TMEM123: variants seen among roughly 807,000 people sequenced by gnomAD.
The protein encoded by TMEM123 is transmembrane protein 123, also known as porimin.
TMEM123 carries 16 observed loss-of-function variants against 19.7 expected under a neutral mutation model. That is an observed-to-expected ratio of 0.81 (90% CI 0.55 to 1.23). The LOEUF is 1.23. TMEM123 is among the 50% of genes most tolerant of loss of function. TMEM123 has a pLI of 0.00. For synonymous variants in TMEM123, 118 were observed against 99.4 expected (o/e 1.19, Z -1.12); for missense variants, 313 against 257.8 (o/e 1.21, Z -1.47).
chr11:102,401,098 G>A (rs974501201), intron 4 of TMEM123, among the ~76,000 whole-genome samples: 1 of 152,034 alleles, frequency 6.6e-6, no homozygotes, highest in Non-Finnish European at 1.5e-5. Context: ...AAATTTTCAG[G>A]GATAATGAGG....
intron 2 of TMEM123, among the ~76,000 whole-genome samples, chr11:102,447,170 C>A (rs1406943673): frequency 2.0e-5 from 3 of 152,168 alleles, no homozygotes; most frequent in African/African-American, 7.2e-5. Context: ...TCTTCTTTCT[C>A]AAAAAATTTC....
chr11:102,415,681 A>G (rs1051354835), intron 2 of TMEM123, among the ~76,000 whole-genome samples: 2 of 152,206 alleles, frequency 1.3e-5, no homozygotes, highest in African/African-American at 4.8e-5. Context: ...AAGCAGTGTT[A>G]AGAGGAAAGT....
Position 102,445,360 on chromosome 11 carries a change from TATCTATCAACATTTGC to T in TMEM123, c.157+3436_157+3451del, listed in dbSNP as rs1198235882. Among the ~76,000 whole-genome samples, 6 of 152,240 alleles carry T rather than the reference TATCTATCAACATTTGC, an allele frequency of 3.9e-5. No homozygotes were observed. In the East Asian group the frequency reaches 1.2e-3, roughly 29 times the overall value. On this transcript the variant is annotated intron_variant, in intron 2 of 4. Transcript: ENST00000398136. Reference sequence around the variant, plus strand: ...CTCTCTGTGTATCTATCACTGTTTGTATCTATCAACATTTGCATCTATCAGTGAATCAATCAATCAG... The same window carrying T: ...CTCTCTGTGTATCTATCACTGTTTGTATCTATCAGTGAATCAATCAATCAG...
At chr11:102,431,203 A>G (rs1224019734) in intron 2 of TMEM123, among the ~76,000 whole-genome samples, 2 of 152,216 alleles carry the variant, frequency 1.3e-5, no homozygotes, top group East Asian at 1.9e-4. Context: ...GTACAACATG[A>G]TATTTTGATA....
chr11:102,415,535 A>G (rs1470414554), intron 2 of TMEM123, among the ~76,000 whole-genome samples: 1 of 152,202 alleles, frequency 6.6e-6, no homozygotes, highest in African/African-American at 2.4e-5. Context: ...TACCAGGAAG[A>G]TCTCTTAAAG....
chr11:102,442,572 A>C (rs867719480), intron 2 of TMEM123, among the ~76,000 whole-genome samples: 4 of 152,304 alleles, frequency 2.6e-5, no homozygotes, highest in Middle Eastern at 6.8e-3. Flanking sequence ...ATTTATGACA[A>C]ACCCACAGCC....
At chr11:102,426,226 G>C (rs1952125121) in intron 2 of TMEM123, among the ~76,000 whole-genome samples, 1 of 152,138 alleles carries the variant, frequency 6.6e-6, no homozygotes, top group African/African-American at 2.4e-5. Flanking sequence ...TATCCTATCA[G>C]AACTCTTGAC....
chr11:102,402,640 G>A (rs1268099325), intron 2 of TMEM123, among the ~76,000 whole-genome samples: 1 of 152,140 alleles, frequency 6.6e-6, no homozygotes, highest in Non-Finnish European at 1.5e-5. Flanking sequence ...CCTTCCAAGG[G>A]GCTTTGAGGA....
chr11:102,402,085 C>T lies in TMEM123; in HGVS notation c.279G>A (p.Ala93=), dbSNP rs767670320. 23 of 1,613,848 alleles carry T rather than the reference C, an allele frequency of 1.4e-5. No individual in the cohort carries two copies. The highest frequency in any genetic ancestry group is 1.6e-4 in the Middle Eastern group (1 of 6,084). The change falls in exon 3 of 5, where the codon GCG becomes GCA. Residue 93 remains alanine, a synonymous_variant. Coordinates refer to ENST00000398136, the MANE Select transcript of TMEM123 (RefSeq NM_052932.3). ...NTTVTTMKPT[A]ASNTTTPGMV... is the part of the protein sequence containing the mutation. ...TCCCTGGTGTTGTTGTATTAGATGC[C>T]GCTGTAGGTTTCATGGTGGTGACCG...
chr11:102,424,267 T>C (rs906434863), intron 2 of TMEM123, among the ~76,000 whole-genome samples: 2 of 152,268 alleles, frequency 1.3e-5, no homozygotes, highest in Non-Finnish European at 2.9e-5. Context: ...CACAAGACTA[T>C]GATTATAAAA....
At position 102,397,173 on chromosome 11, in the gene TMEM123, A is replaced by C. The variant is rs954999614; in HGVS notation, c.*1694T>G. 1.3e-5 allele frequency: 2 copies of C among 152,114 alleles called. No individual in the cohort carries two copies. Among genetic ancestry groups the C allele is most frequent in the South Asian group, 4.1e-4 (2 of 4,826 alleles). The allele number at this position is 152,114 out of a possible 1,614,324, so 9.4% of individuals were successfully genotyped here. A position where few individuals can be genotyped will look rare whatever the true frequency, so the allele number is the denominator to read the frequency against. On this transcript the variant is annotated 3_prime_UTR_variant, in exon 5 of 5. Coordinates refer to ENST00000398136, the MANE Select transcript of TMEM123 (RefSeq NM_052932.3). Reference sequence around the variant, plus strand: ...GTGTTACATACATCCAATCATATCCATATTTTGGATCATTTTTTTCTATAT... The same window carrying C: ...GTGTTACATACATCCAATCATATCCCTATTTTGGATCATTTTTTTCTATAT...
At chr11:102,419,108 C>T (rs1353947995) in intron 2 of TMEM123, among the ~76,000 whole-genome samples, 2 of 152,044 alleles carry the variant, frequency 1.3e-5, no homozygotes, top group African/African-American at 2.4e-5. Context: ...CCAAACCCGT[C>T]ACACATGATT....
At chr11:102,434,141 A>G (rs537270779) in intron 2 of TMEM123, among the ~76,000 whole-genome samples, 1 of 151,786 alleles carries the variant, frequency 6.6e-6, no homozygotes, top group Non-Finnish European at 1.5e-5. Context: ...TGGTAATTCT[A>G]TTTTTAATTT....
intron 2 of TMEM123, among the ~76,000 whole-genome samples, chr11:102,435,340 T>C (rs114171606): frequency 2.0e-5 from 3 of 151,856 alleles, no homozygotes; most frequent in Non-Finnish European, 4.4e-5. Flanking sequence ...AATAATCACA[T>C]GAAAAAATGT....
chr11:102,401,239 G>A (rs193284968), intron 4 of TMEM123, among the ~76,000 whole-genome samples: 316 of 152,270 alleles, frequency 2.1e-3, no homozygotes, highest in Non-Finnish European at 3.4e-3. Context: ...TATTTCTTAC[G>A]ATTATTGGTA....
rs1354129175 is a variant in TMEM123 at position 102,445,963 on chromosome 11, G to A, written c.157+2849C>T. ...ACATGATTAAGAGATAAACGGCTTT[G>A]GAAAGGAGTTGGTGCAAGTTATGTC... On this transcript the variant is annotated intron_variant, in intron 2 of 4. Transcript: ENST00000398136. Among the ~76,000 whole-genome samples the A allele has an allele frequency of 3.3e-5, 5 of 152,284 alleles. 1 individual carries two copies. The South Asian group carries it at 1.0e-3, about 32-fold the overall frequency.
intron 2 of TMEM123, among the ~76,000 whole-genome samples, chr11:102,423,289 T>C (rs1183233557): frequency 6.6e-6 from 1 of 152,190 alleles, no homozygotes; most frequent in Non-Finnish European, 1.5e-5. Flanking sequence ...CCACTTCTCT[T>C]GTGGGTGGAC....
rs1463450369 is a variant in TMEM123, at chr11:102,398,227, T to G, written c.*640A>C. ...AGAAGTTAATAAAAATATGTGCTCC[T>G]TAATGCTCCAATGGATCCCTAACAG... is the stretch of plus-strand genomic sequence containing the variant. On this transcript the variant is annotated 3_prime_UTR_variant, in exon 5 of 5. Transcript: ENST00000398136. 2 of 192,572 alleles carry G rather than the reference T, an allele frequency of 1.0e-5. No homozygotes were observed. The highest frequency in any genetic ancestry group is 1.9e-3 in the Middle Eastern group (1 of 514). 11.9% of individuals were successfully genotyped at this position (192,572 alleles called of 1,614,324 possible).
intron 2 of TMEM123, among the ~76,000 whole-genome samples, chr11:102,412,143 A>G (rs902257346): frequency 1.3e-5 from 2 of 152,148 alleles, no homozygotes; most frequent in Admixed American, 6.6e-5. Flanking sequence ...TTAAAAGCAA[A>G]TAGAGGCCAG....
Sources: allele counts gnomAD v4.1 joint callset (sites outside exome capture counted in the v4.1 genomes callset), GRCh38; gene constraint gnomAD v4.1.1; transcripts MANE v1.5; gene names NCBI Gene and HGNC (gene_info 2026-07-23, HGNC 2026-07-21).